ABCA5: variants seen among roughly 807,000 people sequenced by gnomAD.
ABCA5 encodes ATP binding cassette subfamily A member 5, also known as cholesterol transporter ABCA5.
ABCA5 carries 163 observed loss-of-function variants against 206.0 expected under a neutral mutation model. The ratio of observed to expected loss-of-function variants is 0.79; its 90% CI spans 0.70 to 0.90. The LOEUF (loss-of-function observed/expected upper bound fraction) is 0.90, where lower values mean the gene tolerates loss of function less well. ABCA5 is among the 40% of genes least tolerant of loss of function. The pLI, the probability that ABCA5 is intolerant of heterozygous loss-of-function variation, is 0.00. For missense variants in ABCA5, 1,859 were observed against 1,912.9 expected (o/e 0.97, Z 0.53); for synonymous variants, 609 against 613.8 (o/e 0.99, Z 0.11).
intron 38 of ABCA5, 35 bp from the exon 39 acceptor site, chr17:69,247,679 G>T (rs781713936): frequency 2.4e-6 from 3 of 1,257,746 alleles, no homozygotes; most frequent in African/African-American, 3.0e-5. Flanking sequence ...ACAGTATGCT[G>T]TATCTCAAGT....
At chr17:69,285,547 G>A (rs2075441753) in intron 17 of ABCA5, 1 of 154,824 alleles carries the variant, frequency 6.5e-6, no homozygotes, top group Non-Finnish European at 1.4e-5. Context: ...AAAAGAACCT[G>A]AGAATGTATA....
chr17:69,258,815 G>A (rs1212519752), intron 28 of ABCA5, among the ~76,000 whole-genome samples: 2 of 151,958 alleles, frequency 1.3e-5, no homozygotes, highest in South Asian at 2.1e-4. Flanking sequence ...ATTTTTAGTG[G>A]ACAGTTCGAA....
At chr17:69,297,737 C>T (rs1340993581) in intron 9 of ABCA5, among the ~76,000 whole-genome samples, 3 of 152,166 alleles carry the variant, frequency 2.0e-5, no homozygotes, top group African/African-American at 7.2e-5. Flanking sequence ...AAGAACACAA[C>T]ACAGGCTGAA....
At chr17:69,252,016 AT>A (rs1555668445) in intron 34 of ABCA5, 150 bp from the exon 35 acceptor site, 11,462 of 601,498 alleles carry the variant, frequency 0.019, no homozygotes, top group East Asian at 0.037. Flanking sequence ...CCCAACTATG[AT>A]TTTTTTTTTT....
At chr17:69,277,100 G>GC (rs1197673616) in intron 19 of ABCA5, among the ~76,000 whole-genome samples, 1 of 152,148 alleles carries the variant, frequency 6.6e-6, no homozygotes, top group Admixed American at 6.5e-5. Flanking sequence ...ACTGAGAAGG[G>GC]CTAAAGCTAA....
intron 12 of ABCA5, 142 bp downstream of exon 12, chr17:69,291,074 A>C: frequency 2.2e-6 from 1 of 464,310 alleles, no homozygotes; most frequent in South Asian, 6.1e-5. Context: ...CTTCTACTAA[A>C]AACAACCACA....
intron 18 of ABCA5, among the ~76,000 whole-genome samples, chr17:69,282,629 C>T (rs1408554322): frequency 6.7e-6 from 1 of 149,296 alleles, no homozygotes; most frequent in Non-Finnish European, 1.5e-5. Flanking sequence ...ACTAGCTGGG[C>T]GTGGTGGTGG....
intron 5 of ABCA5, 112 bp from the exon 6 acceptor site, chr17:69,307,066 T>A (rs903167873): frequency 1.0e-4 from 56 of 539,870 alleles, no homozygotes; most frequent in South Asian, 6.1e-5. Context: ...ACAAATACAA[T>A]CCTCAAAAAG....
Position 69,289,311 on chromosome 17 carries a change from C to A in ABCA5, c.1783-15G>T. 1.3e-6 allele frequency: 2 copies of A among 1,511,412 alleles called. No homozygotes were observed. Among genetic ancestry groups the A allele is most frequent in the Non-Finnish European group, 8.8e-7 (1 of 1,135,908 alleles). 93.6% of individuals were successfully genotyped at this position (1,511,412 alleles called of 1,614,324 possible). ...ACCTTCTGCACCTGTAAAAGTAAAG[C>A]ATGAACAATGTTATTTTAAAAATCA... On this transcript the variant is annotated splice_polypyrimidine_tract_variant and intron_variant, in intron 13 of 38. Coordinates refer to ENST00000392676, the MANE Select transcript of ABCA5 (RefSeq NM_172232.4).
intron 9 of ABCA5, among the ~76,000 whole-genome samples, chr17:69,298,021 C>CA (rs1265572177): frequency 1.3e-5 from 2 of 151,744 alleles, no homozygotes; most frequent in Non-Finnish European, 2.9e-5. Flanking sequence ...CTTGTCTCTG[C>CA]AAAAAATACA....
intron 9 of ABCA5, among the ~76,000 whole-genome samples, chr17:69,299,500 A>AC (rs1598192414): frequency 2.0e-5 from 3 of 151,636 alleles, no homozygotes; most frequent in East Asian, 3.9e-4. Flanking sequence ...ACACACACAC[A>AC]AAGGAATCCT....
Position 69,261,125 on chromosome 17 carries a change from C to T in ABCA5, c.3564G>A (p.Lys1188=). ...PLLGCLISFI[K]ISWKNVRKNV... is the part of the protein sequence containing the mutation. Reference sequence around the variant, plus strand: ...ATATTAAAATATTTAGCAGAATTACCTTTATGAAAGAAATCAGGCAACCTA... The same window carrying T: ...ATATTAAAATATTTAGCAGAATTACTTTTATGAAAGAAATCAGGCAACCTA... Residue 1188 remains lysine (K), a splice_region_variant and synonymous_variant, in exon 26 of 39, where the codon AAG becomes AAA. Transcript: ENST00000392676. 2 of 1,549,868 alleles carry T rather than the reference C, an allele frequency of 1.3e-6. No homozygotes were observed. Among genetic ancestry groups the T allele is most frequent in the Non-Finnish European group, 8.7e-7 (1 of 1,146,224 alleles).
rs2075523086 is a variant in ABCA5 at position 69,291,229 on chromosome 17, G to C, written c.1593C>G (p.Cys531Trp). ...CAGAAAACTCACCATCAGAAGGTGGGCAGAGTCCACAAAGAATATTCATCA... is the reference window on the plus strand; with the variant it reads ...CAGAAAACTCACCATCAGAAGGTGGCCAGAGTCCACAAAGAATATTCATCA... ...STLMNILCGLCPPSDGFASIY... is the reference protein window; with the variant it reads ...STLMNILCGLWPPSDGFASIY... The change falls in exon 12 of 39, where the codon TGC (cysteine) becomes TGG (tryptophan). Residue 531 changes from cysteine to tryptophan, a missense_variant. Cys to Trp is a radical substitution (Grantham distance 215, BLOSUM62 -2). Transcript: ENST00000392676. 1 of 1,594,468 alleles carries C rather than the reference G, an allele frequency of 6.3e-7. No individual in the cohort carries two copies. The highest frequency in any genetic ancestry group is 1.3e-5 in the African/African-American group (1 of 74,498).
intron 6 of ABCA5, among the ~76,000 whole-genome samples, chr17:69,305,810 ACAGT>A (rs2075711099): frequency 6.6e-6 from 1 of 152,138 alleles, no homozygotes; most frequent in African/African-American, 2.4e-5. Flanking sequence ...GTTTGAGGCC[ACAGT>A]GACCCATGAT....
At chr17:69,270,568 A>C in intron 22 of ABCA5, 45 bp downstream of exon 22, 1 of 1,500,430 alleles carries the variant, frequency 6.7e-7, no homozygotes, top group Non-Finnish European at 8.9e-7. Context: ...GTTATTATAT[A>C]TATGACATGC....
intron 1 of ABCA5, chr17:69,317,939 G>A (rs139853572): frequency 6.6e-6 from 1 of 152,278 alleles, no homozygotes; most frequent in East Asian, 1.9e-4. Flanking sequence ...TGAGAAGATA[G>A]CAGGGGAAAT....
Position 69,306,899 on chromosome 17 carries a change from A to T in ABCA5, c.614T>A (p.Met205Lys). 6.3e-7 allele frequency: 1 copy of T among 1,590,378 alleles called. No homozygotes were observed. The highest frequency in any genetic ancestry group is 8.6e-7 in the Non-Finnish European group (1 of 1,167,572). Residue 205 changes from methionine (M) to lysine (K), a missense_variant, in exon 6 of 39, where the codon ATG becomes AAG. Physicochemically the swap from Met to Lys is moderately conservative, Grantham distance 95 (BLOSUM62 -1). Transcript: ENST00000392676. ...KELESTKAVI[M>K]GETAVVEIDT... Reference sequence around the variant, plus strand: ...TATTTCTACAACAGCAGTTTCTCCCATAATAACAGCTTTAGTTGACTCCAG... The same window carrying T: ...TATTTCTACAACAGCAGTTTCTCCCTTAATAACAGCTTTAGTTGACTCCAG...
chr17:69,291,062 A>G (rs2075520511), intron 12 of ABCA5, among the ~76,000 whole-genome samples, 154 bp downstream of exon 12: 1 of 152,188 alleles, frequency 6.6e-6, no homozygotes, highest in Non-Finnish European at 1.5e-5. Flanking sequence ...AATCATTTTT[A>G]TCTTCTACTA....
intron 26 of ABCA5, among the ~76,000 whole-genome samples, chr17:69,260,887 T>C (rs535207166): frequency 6.6e-6 from 1 of 152,122 alleles, no homozygotes; most frequent in East Asian, 1.9e-4. Flanking sequence ...GTCACACTTC[T>C]AATTATATAC....
Sources: allele counts gnomAD v4.1 joint callset (sites outside exome capture counted in the v4.1 genomes callset), GRCh38; gene constraint gnomAD v4.1.1; transcripts MANE v1.5; gene names NCBI Gene and HGNC (gene_info 2026-07-23, HGNC 2026-07-21).